Variants in TMEM263 observed in about 807,000 individuals in gnomAD.
TMEM263 encodes the protein UPF0444 transmembrane protein C12orf23.
In TMEM263, 5 loss-of-function variants were observed where a neutral mutation model predicts 8.6. The ratio of observed to expected loss-of-function variants is 0.58; its 90% CI spans 0.31 to 1.23. The LOEUF is 1.23. Among genes scored for constraint, TMEM263 ranks in the 50% most tolerant of loss-of-function variants. The probability of loss-of-function intolerance (pLI) is 0.07; values close to 1 mark genes in which losing one functional copy is unlikely to be tolerated. For synonymous variants in TMEM263, 50 were observed against 47.9 expected (o/e 1.04, Z -0.18); for missense variants, 104 against 138.8 (o/e 0.75, Z 1.26).
chr12:106,956,840 C>T (rs1951699764), intron 1 of TMEM263: 1 of 152,384 alleles, frequency 6.6e-6, no homozygotes, highest in Non-Finnish European at 1.5e-5. Flanking sequence ...CAGTGCTAGC[C>T]ACGGCGCCTC....
intron 3 of TMEM263, among the ~76,000 whole-genome samples, chr12:106,968,988 T>G (rs879342017): frequency 1.3e-5 from 2 of 152,222 alleles, no homozygotes; most frequent in African/African-American, 4.8e-5. Flanking sequence ...CATTAAAAAT[T>G]TGTATTAACT....
At chr12:106,966,366 C>T (rs994394331) in intron 2 of TMEM263, among the ~76,000 whole-genome samples, 5 of 152,246 alleles carry the variant, frequency 3.3e-5, no homozygotes, top group Admixed American at 2.6e-4. Flanking sequence ...ATATGCACCA[C>T]ATTTTCTTTA....
rs1256548478 is a variant in TMEM263 at position 106,972,521 on chromosome 12, A to T, written c.*1130A>T. 6.6e-6 allele frequency: 1 copy of T among 152,162 alleles called. No individual in the cohort carries two copies. Among genetic ancestry groups the T allele is most frequent in the African/African-American group, 2.4e-5 (1 of 41,458 alleles). The allele number at this position is 152,162 out of a possible 1,614,324, so 9.4% of individuals were successfully genotyped here. ...AATATAAAGTATATAAAAGTGCATCAGTGGTTTATATAGGCTTTAAAAACA... is the reference window on the plus strand; with the variant it reads ...AATATAAAGTATATAAAAGTGCATCTGTGGTTTATATAGGCTTTAAAAACA... On this transcript the variant is annotated 3_prime_UTR_variant, in exon 4 of 4. Transcript: ENST00000280756.
Position 106,971,580 on chromosome 12 carries a change from T to C in TMEM263, c.*189T>C. On this transcript the variant is annotated 3_prime_UTR_variant, in exon 4 of 4. Transcript: ENST00000280756. The stretch of plus-strand genomic sequence containing the variant: ...GAGCACAGTATATGAAGGTTTCTCA[T>C]ACTTAAGTTCCAGGTTTTTATCTGG... The C allele has an allele frequency of 2.0e-6, 1 of 498,040 alleles. No individual in the cohort carries two copies. Among genetic ancestry groups the C allele is most frequent in the Non-Finnish European group, 3.3e-6 (1 of 298,524 alleles). The allele number at this position is 498,040 out of a possible 1,614,324, so 30.9% of individuals were successfully genotyped here. A position where few individuals can be genotyped will look rare whatever the true frequency, so the allele number is the denominator to read the frequency against.
rs1593460245 is a variant in TMEM263 at position 106,957,122 on chromosome 12, C to T, written c.-34C>T. On this transcript the variant is annotated 5_prime_UTR_variant, in exon 2 of 4. Coordinates refer to ENST00000280756, the MANE Select transcript of TMEM263 (RefSeq NM_152261.4). ...CTGGTGTGAGTGCCCTCAGGGGTTCCCCAGGAATATCGATACAACACCAAC... is the reference window on the plus strand; with the variant it reads ...CTGGTGTGAGTGCCCTCAGGGGTTCTCCAGGAATATCGATACAACACCAAC... 2 of 985,580 alleles carry T rather than the reference C, an allele frequency of 2.0e-6. No homozygotes were observed. Among genetic ancestry groups the T allele is most frequent in the Non-Finnish European group, 1.2e-6 (1 of 830,294 alleles). The allele number at this position is 985,580 out of a possible 1,614,324, so 61.1% of individuals were successfully genotyped here. A position where few individuals can be genotyped will look rare whatever the true frequency, so the allele number is the denominator to read the frequency against.
chr12:106,970,561 CAG>C (rs1566226575), intron 3 of TMEM263, among the ~76,000 whole-genome samples: 1 of 152,096 alleles, frequency 6.6e-6, no homozygotes, highest in Non-Finnish European at 1.5e-5. Context: ...AGACTCATGA[CAG>C]AAAGTGAAAA....
chr12:106,965,661 C>G (rs1951834072), intron 2 of TMEM263, among the ~76,000 whole-genome samples: 1 of 151,720 alleles, frequency 6.6e-6, no homozygotes, highest in Non-Finnish European at 1.5e-5. Context: ...TCATCCATCC[C>G]TTTTTCTCCA....
At chr12:106,962,391 A>G (rs1359229536) in intron 2 of TMEM263, among the ~76,000 whole-genome samples, 2 of 152,168 alleles carry the variant, frequency 1.3e-5, no homozygotes, top group African/African-American at 2.4e-5. Flanking sequence ...CATCTGCATA[A>G]TGTATGTCTT....
At chr12:106,967,591 G>T (rs1951863810) in intron 3 of TMEM263, among the ~76,000 whole-genome samples, 1 of 152,048 alleles carries the variant, frequency 6.6e-6, no homozygotes, top group African/African-American at 2.4e-5. Context: ...AATATAACCT[G>T]TTTACCTTGT....
Position 106,955,921 on chromosome 12 carries a change from C to G in TMEM263, c.-219C>G. The G allele has an allele frequency of 2.0e-6, 2 of 985,754 alleles. No individual in the cohort carries two copies. Among genetic ancestry groups the G allele is most frequent in the Middle Eastern group, 5.2e-4 (1 of 1,912 alleles). 61.1% of individuals were successfully genotyped at this position (985,754 alleles called of 1,614,324 possible). On this transcript the variant is annotated 5_prime_UTR_variant, in exon 1 of 4. Coordinates refer to ENST00000280756, the MANE Select transcript of TMEM263 (RefSeq NM_152261.4). ...CCACCGCCGCCACAGTCTTCCAGCT[C>G]CACATCCTGAGAGGACGCCTCTGGA... is the stretch of plus-strand genomic sequence containing the variant.
At chr12:106,970,557 A>T (rs1364456621) in intron 3 of TMEM263, among the ~76,000 whole-genome samples, 1 of 152,200 alleles carries the variant, frequency 6.6e-6, no homozygotes, top group Non-Finnish European at 1.5e-5. Flanking sequence ...CTATAGACTC[A>T]TGACAGAAAG....
rs1288482976 is a variant in TMEM263, at chr12:106,973,919, T to G, written c.*2528T>G. 1 of 152,560 alleles carries G rather than the reference T, an allele frequency of 6.6e-6. No individual in the cohort carries two copies. Among genetic ancestry groups the G allele is most frequent in the African/African-American group, 2.4e-5 (1 of 41,418 alleles). The allele number at this position is 152,560 out of a possible 1,614,324, so 9.5% of individuals were successfully genotyped here. A position where few individuals can be genotyped will look rare whatever the true frequency, so the allele number is the denominator to read the frequency against. On this transcript the variant is annotated 3_prime_UTR_variant, in exon 4 of 4. Transcript: ENST00000280756. ...CAGATGAAAATAACTGATGAATAAT[T>G]TTTTTGTATTAAAGGGATGGGAAAA...
At chr12:106,961,496 G>A (rs112716853) in intron 2 of TMEM263, among the ~76,000 whole-genome samples, 243 of 152,170 alleles carry the variant, frequency 1.6e-3, no homozygotes, top group Middle Eastern at 3.4e-3. Context: ...TAGCAATCTT[G>A]AGGAGGTGTG....
At chr12:106,970,576 C>T (rs1191946368) in intron 3 of TMEM263, among the ~76,000 whole-genome samples, 5 of 152,256 alleles carry the variant, frequency 3.3e-5, no homozygotes, top group South Asian at 2.1e-4. Flanking sequence ...AGTGAAAAGA[C>T]AAATGATATT....
chr12:106,958,036 C>G (rs1300807749), intron 2 of TMEM263, among the ~76,000 whole-genome samples: 1 of 152,116 alleles, frequency 6.6e-6, no homozygotes, highest in Non-Finnish European at 1.5e-5. Context: ...GGCAAAAAAG[C>G]TAAAACATGG....
chr12:106,971,193 T>G lies in TMEM263; in HGVS notation c.153T>G (p.Gly51=). ...GIFSVTKGAV[G]ATIGGVAWIG... The stretch of plus-strand genomic sequence containing the variant: ...TCAGTGTTACAAAGGGAGCTGTTGG[T>G]GCCACCATTGGTGGTGTGGCTTGGA... Residue 51 remains glycine, a synonymous_variant, in exon 4 of 4, where the codon GGT becomes GGG. Transcript: ENST00000280756. 1 of 1,614,218 alleles carries G rather than the reference T, an allele frequency of 6.2e-7. No individual in the cohort carries two copies. Among genetic ancestry groups the G allele is most frequent in the Non-Finnish European group, 8.5e-7 (1 of 1,180,034 alleles).
chr12:106,971,961 T>C lies in TMEM263; in HGVS notation c.*570T>C, dbSNP rs928456167. On this transcript the variant is annotated 3_prime_UTR_variant, in exon 4 of 4. Transcript: ENST00000280756. Reference sequence around the variant, plus strand: ...GTTAACCATCTTTTGTTAGTAAATATGCGTTCTATTATTTTAATCATTGAT... The same window carrying C: ...GTTAACCATCTTTTGTTAGTAAATACGCGTTCTATTATTTTAATCATTGAT... 6 of 152,718 alleles carry C rather than the reference T, an allele frequency of 3.9e-5. No homozygotes were observed. Among genetic ancestry groups the C allele is most frequent in the African/African-American group, 1.4e-4 (6 of 41,476 alleles). 9.5% of individuals were successfully genotyped at this position (152,718 alleles called of 1,614,324 possible). A position where few individuals can be genotyped will look rare whatever the true frequency, so the allele number is the denominator to read the frequency against.
At chr12:106,962,830 C>T (rs1402584316) in intron 2 of TMEM263, among the ~76,000 whole-genome samples, 3 of 152,204 alleles carry the variant, frequency 2.0e-5, no homozygotes, top group African/African-American at 4.8e-5. Context: ...TCCCTTTCAT[C>T]TCAAAGTTAC....
In TMEM263 at chr12:106,967,206, A is replaced by C. The variant is rs531398417; in HGVS notation, c.64+26A>C. 9 of 1,310,346 alleles carry C rather than the reference A, an allele frequency of 6.9e-6. No homozygotes were observed. In the South Asian group the frequency reaches 9.1e-5, roughly 13 times the overall value. 81.2% of individuals were successfully genotyped at this position (1,310,346 alleles called of 1,614,324 possible). On this transcript the variant is annotated intron_variant, in intron 3 of 3. Coordinates refer to ENST00000280756, the MANE Select transcript of TMEM263 (RefSeq NM_152261.4). ...GTAAGTATGCATCTGTAACACTAAG[A>C]ATGGAAAAATATACTGAATTAAAGT...
Sources: gnomAD v4.1 joint callset for allele counts (sites outside exome capture counted in the v4.1 genomes callset) on GRCh38, gnomAD v4.1.1 for gene constraint, MANE v1.5 for transcripts, NCBI Gene and HGNC (gene_info 2026-07-23, HGNC 2026-07-21) for gene names.